USP9Y: variants seen among roughly 807,000 people sequenced by gnomAD.
USP9Y encodes the protein ubiquitin specific peptidase 9 Y-linked.
Under a neutral mutation model 53.1 loss-of-function variants are expected in USP9Y, and 41 were observed. The ratio of observed to expected loss-of-function variants is 0.77; its 90% confidence interval spans 0.60 to 1.00. The LOEUF is 1.00. Among genes scored for constraint, USP9Y ranks in the 50% least tolerant of loss-of-function variants. The pLI is 0.00. For missense variants in USP9Y, 567 were observed against 535.8 expected, an observed-to-expected ratio of 1.06 and a Z score of -0.58; for synonymous variants, 220 against 173.7, an observed-to-expected ratio of 1.27 and a Z score of -2.09.
chrY:12,814,527 C>CA (rs781072709), intron 31 of USP9Y, among the ~76,000 whole-genome samples: 3 of 1,296 alleles, frequency 2.3e-3, no homozygotes, highest in East Asian at 0.017. Flanking sequence ...GACTCCGTCT[C>CA]AAAAAAAAAA....
chrY:12,856,709 C>G lies in USP9Y; in HGVS notation c.7298C>G (p.Thr2433Ser). The change falls in exon 44 of 46, where the codon ACT (threonine) becomes AGT (serine). Residue 2433 changes from threonine (T) to serine (S), a missense_variant. By Grantham distance (58) the Thr-to-Ser change is moderately conservative. Transcript: ENST00000338981. The part of the protein sequence containing the change: ...LGDELERRPY[T>S]GNPQYSYNNW... ...GATGAACTTGAAAGAAGACCATATA[C>G]TGGCAATCCTCAGTATAGTTACAAC... 2.5e-6 allele frequency: 1 copy of G among 397,575 alleles called. No homozygotes were observed. The highest frequency in any genetic ancestry group is 3.0e-5 in the South Asian group (1 of 33,715).
chrY:12,818,730 C>T, intron 33 of USP9Y, 120 bp downstream of exon 33: 5 of 168,584 alleles, frequency 3.0e-5, no homozygotes, highest in Non-Finnish European at 5.2e-5. Context: ...TACTAATATT[C>T]TAATTATCCT....
intron 27 of USP9Y, among the ~76,000 whole-genome samples, chrY:12,799,963 G>T: frequency 6.0e-5 from 2 of 33,074 alleles, no homozygotes; most frequent in Non-Finnish European, 7.5e-5. Context: ...CACCTTTCTG[G>T]TCTGTGTTTG....
intron 5 of USP9Y, among the ~76,000 whole-genome samples, chrY:12,722,484 A>C (rs771234233): frequency 0.022 from 720 of 32,701 alleles, no homozygotes; most frequent in Non-Finnish European, 0.041. Context: ...GGAGCCATTT[A>C]AGTATTATGT....
chrY:12,716,810 G>A (rs772554711), intron 3 of USP9Y, among the ~76,000 whole-genome samples: 2 of 32,512 alleles, frequency 6.2e-5, no homozygotes, highest in Admixed American at 2.8e-4. Flanking sequence ...GGGTATCACC[G>A]TGTTAGCCAG....
intron 22 of USP9Y, among the ~76,000 whole-genome samples, chrY:12,780,601 A>AT (rs2053497841): frequency 3.0e-5 from 1 of 32,855 alleles, no homozygotes; most frequent in Non-Finnish European, 7.5e-5. Flanking sequence ...GTTTTTTTCT[A>AT]TTTTTTTACT....
chrY:12,764,379 A>C (rs2053478445), intron 15 of USP9Y, among the ~76,000 whole-genome samples: 1 of 33,751 alleles, frequency 3.0e-5, no homozygotes, highest in African/African-American at 1.2e-4. Context: ...TCTAATAAGA[A>C]ACAGATTACT....
chrY:12,759,099 CT>C (rs2053472544), intron 14 of USP9Y, among the ~76,000 whole-genome samples: 1 of 33,215 alleles, frequency 3.0e-5, no homozygotes, highest in South Asian at 6.6e-4. Flanking sequence ...GGGAACACCT[CT>C]TTCTTGAGTT....
chrY:12,781,409 G>A (rs2053498431), intron 22 of USP9Y, among the ~76,000 whole-genome samples: 1 of 33,448 alleles, frequency 3.0e-5, no homozygotes, highest in Non-Finnish European at 7.4e-5. Flanking sequence ...ACTGATCAGG[G>A]TGATGGTTGC....
At position 12,786,673 on chromosome Y, in the gene USP9Y, G is replaced by A; in HGVS notation, c.3434G>A (p.Arg1145Gln). The change falls in exon 24 of 46, where the codon CGA becomes CAA. Residue 1145 changes from arginine (R) to glutamine (Q), a missense_variant. Transcript: ENST00000338981. Reference protein sequence around the residue: ...NFLPNTDMETRRGAYLNALKI... With the variant: ...NFLPNTDMETQRGAYLNALKI... ...TTGCCAAATACAGATATGGAAACTC[G>A]AAGGGGTGCTTATTTAAATGCTCTT... is the stretch of plus-strand genomic sequence containing the variant. 2.5e-6 allele frequency: 1 copy of A among 397,831 alleles called. No individual in the cohort carries two copies. Among genetic ancestry groups the A allele is most frequent in the Non-Finnish European group, 3.5e-6 (1 of 283,273 alleles).
At chrY:12,708,890 A>G (rs2053422084) in intron 2 of USP9Y, among the ~76,000 whole-genome samples, 197 bp downstream of exon 2, 1 of 34,049 alleles carries the variant, frequency 2.9e-5, no homozygotes, top group Non-Finnish European at 7.3e-5. Flanking sequence ...TGGTGATTTT[A>G]GTGTACATAT....
chrY:12,726,263 A>G (rs958871417), intron 6 of USP9Y, among the ~76,000 whole-genome samples: 4 of 33,544 alleles, frequency 1.2e-4, no homozygotes, highest in African/African-American at 2.3e-4. Context: ...GGTTTCCTCT[A>G]AAGTACAAAT....
chrY:12,791,743 T>A, intron 26 of USP9Y, 119 bp downstream of exon 26: 1 of 153,584 alleles, frequency 6.5e-6, no homozygotes, highest in South Asian at 6.4e-5. Context: ...TGGTTTAAAA[T>A]TTATTGCTAC....
chrY:12,771,811 G>A, intron 16 of USP9Y, among the ~76,000 whole-genome samples: 1 of 30,938 alleles, frequency 3.2e-5, no homozygotes, highest in Non-Finnish European at 7.8e-5. Context: ...AGGATTTTAC[G>A]GTCTGCCAGA....
At chrY:12,822,548 A>G (rs2053542659) in intron 33 of USP9Y, among the ~76,000 whole-genome samples, 1 of 32,406 alleles carries the variant, frequency 3.1e-5, no homozygotes, top group Non-Finnish European at 7.5e-5. Flanking sequence ...TGTTTTTAGT[A>G]GAGACGGAGT....
At chrY:12,748,303 G>A in intron 12 of USP9Y, among the ~76,000 whole-genome samples, 1 of 34,008 alleles carries the variant, frequency 2.9e-5, no homozygotes, top group African/African-American at 1.1e-4. Context: ...ACTGGCTGTT[G>A]AGCCAGACCT....
intron 16 of USP9Y, among the ~76,000 whole-genome samples, chrY:12,773,315 TGAG>T (rs2053487918): frequency 3.0e-5 from 1 of 33,157 alleles, no homozygotes. Context: ...GAGCTGAAAA[TGAG>T]GAGAAGTCTT....
At chrY:12,788,102 A>G in intron 24 of USP9Y, among the ~76,000 whole-genome samples, 2 of 34,102 alleles carry the variant, frequency 5.9e-5, no homozygotes, top group African/African-American at 1.1e-4. Context: ...AAAGCTTTTT[A>G]TGCTATTAAG....
intron 31 of USP9Y, among the ~76,000 whole-genome samples, chrY:12,815,789 C>G: frequency 2.9e-5 from 1 of 34,146 alleles, no homozygotes; most frequent in Admixed American, 2.6e-4. Context: ...GTTGGTCAGG[C>G]TGGTCTTGAA....
Sources: allele counts gnomAD v4.1 joint callset (sites outside exome capture counted in the v4.1 genomes callset), GRCh38; gene constraint gnomAD v4.1.1; transcripts MANE v1.5; gene names NCBI Gene and HGNC (gene_info 2026-07-23, HGNC 2026-07-21).